TOM1L1: variants seen among roughly 807,000 people sequenced by gnomAD.
TOM1L1 encodes TOM1-like protein 1.
In TOM1L1, 64 loss-of-function variants were observed where a neutral mutation model predicts 63.4. The ratio of observed to expected loss-of-function variants is 1.01; its 90% CI spans 0.83 to 1.24. TOM1L1 has a LOEUF of 1.24. Among genes scored for constraint, TOM1L1 ranks in the 50% most tolerant of loss-of-function variants. The pLI is 0.00. For missense variants in TOM1L1, 536 were observed against 567.0 expected, an observed-to-expected ratio of 0.95 and a Z score of 0.55; for synonymous variants, 166 against 194.4, an observed-to-expected ratio of 0.85 and a Z score of 1.22.
rs79789840 is a variant in TOM1L1 at position 54,943,755 on chromosome 17, G to T, written c.1131-3506G>T. Among the ~76,000 whole-genome samples, 3 of 151,946 alleles carry T rather than the reference G, an allele frequency of 2.0e-5. 1 individual carries two copies. The highest frequency in any genetic ancestry group is 6.8e-3 in the Middle Eastern group (2 of 292). ...GCATTTTGGGAGGCTGAGGCGGGCA[G>T]ATCATGAGATCAGGAGATCGAGACC... On this transcript the variant is annotated intron_variant, in intron 11 of 15. Transcript: ENST00000575882.
intron 1 of TOM1L1, chr17:54,901,154 A>T: frequency 1.6e-6 from 1 of 613,868 alleles, no homozygotes; most frequent in South Asian, 2.0e-5. Flanking sequence ...CTTCCTTTCG[A>T]TGCCGCCTGG....
At position 54,938,716 on chromosome 17, in the gene TOM1L1, A is replaced by G. The variant is rs190632781; in HGVS notation, c.1034-208A>G. On this transcript the variant is annotated intron_variant, in intron 10 of 15. Coordinates refer to ENST00000575882, the MANE Select transcript of TOM1L1 (RefSeq NM_005486.3). ...GAAATTCTTTCTCTCTCTACCTACC[A>G]TAAATGATGCTTTTTAATTTCTCTT... 55 of 442,762 alleles carry G rather than the reference A, an allele frequency of 1.2e-4. No homozygotes were observed. The East Asian group carries it at 1.6e-3, about 13-fold the overall frequency. 27.4% of individuals were successfully genotyped at this position (442,762 alleles called of 1,614,324 possible). A position where few individuals can be genotyped will look rare whatever the true frequency, so the allele number is the denominator to read the frequency against.
chr17:54,929,975 C>T (rs1436800311), intron 7 of TOM1L1, 98 bp from the exon 8 acceptor site: 39 of 1,481,060 alleles, frequency 2.6e-5, no homozygotes, highest in East Asian at 9.1e-5. Context: ...GGCTACTTAA[C>T]GTGGAGGTGA....
chr17:54,903,715 T>C lies in TOM1L1; in HGVS notation c.66T>C (p.Ala22=). 1 of 1,614,186 alleles carries C rather than the reference T, an allele frequency of 6.2e-7. No individual in the cohort carries two copies. The highest frequency in any genetic ancestry group is 2.2e-5 in the East Asian group (1 of 44,878). The part of the protein sequence containing the change: ...ATSVGHLIEK[A]TFAGVQTEDW... ...ACAGCTTTTTCTTGGCAGAAAAGGC[T>C]ACATTTGCTGGAGTTCAGACTGAAG... is the stretch of plus-strand genomic sequence containing the variant. Residue 22 remains alanine (A), a synonymous_variant, in exon 2 of 16, where the codon GCT becomes GCC. Coordinates refer to ENST00000575882, the MANE Select transcript of TOM1L1 (RefSeq NM_005486.3).
intron 14 of TOM1L1, among the ~76,000 whole-genome samples, chr17:54,960,257 C>T (rs921415316): frequency 6.6e-6 from 1 of 151,932 alleles, no homozygotes; most frequent in Admixed American, 6.6e-5. Context: ...CCCAGCTACT[C>T]GTGGGGCTGA....
Position 54,930,073 on chromosome 17 carries a change from A to T in TOM1L1, c.721A>T (p.Lys241Ter). The T allele has an allele frequency of 2.5e-6, 4 of 1,614,016 alleles. No homozygotes were observed. The highest frequency in any genetic ancestry group is 3.4e-6 in the Non-Finnish European group (4 of 1,179,962). ...GAAATCTCTCTCCTTTCTTTGACAG[A>T]AACTCTATAAAACAGGTCGGGAGAT... Reference protein sequence around the residue: ...ENHEDIELLQKLYKTGREMQE... With the variant: ...ENHEDIELLQ The change falls in exon 8 of 16, where the codon AAA becomes TAA. Residue 241 changes from lysine to a stop codon, truncating the protein, a stop_gained and splice_region_variant. Coordinates refer to ENST00000575882, the MANE Select transcript of TOM1L1 (RefSeq NM_005486.3). LOFTEE classifies it high-confidence loss of function.
At position 54,910,413 on chromosome 17, in the gene TOM1L1, G is replaced by A. The variant is rs572542903; in HGVS notation, c.223-2253G>A. On this transcript the variant is annotated intron_variant, in intron 3 of 15. Coordinates refer to ENST00000575882, the MANE Select transcript of TOM1L1 (RefSeq NM_005486.3). ...AGAGGTTGCAGTGAGTCGAGATTGCGCCACTGCACTCCAGCCTAGGTGACA... is the reference window on the plus strand; with the variant it reads ...AGAGGTTGCAGTGAGTCGAGATTGCACCACTGCACTCCAGCCTAGGTGACA... 5.9e-5 allele frequency among the ~76,000 whole-genome samples: 9 copies of A among 152,254 alleles called. 1 individual carries two copies. The highest frequency in any genetic ancestry group is 1.4e-4 in the African/African-American group (6 of 41,538).
In TOM1L1 at chr17:54,939,005, A is replaced by G. The variant is rs376669389; in HGVS notation, c.1115A>G (p.Asn372Ser). The G allele has an allele frequency of 9.3e-6, 15 of 1,605,502 alleles. No homozygotes were observed. Among genetic ancestry groups the G allele is most frequent in the Non-Finnish European group, 1.2e-5 (14 of 1,172,860 alleles). The part of the protein sequence containing the change: ...HPQMNLLALE[N>S]TEIPPFAQRT... ...CAGATGAACTTGCTAGCCTTGGAGAATACAGAGATACCCCCGTAAGTATGT... is the reference window on the plus strand; with the variant it reads ...CAGATGAACTTGCTAGCCTTGGAGAGTACAGAGATACCCCCGTAAGTATGT... The change falls in exon 11 of 16, where the codon AAT (asparagine) becomes AGT (serine). Residue 372 changes from asparagine to serine, a missense_variant. By Grantham distance (46) the Asn-to-Ser change is conservative. Transcript: ENST00000575882.
intron 11 of TOM1L1, among the ~76,000 whole-genome samples, chr17:54,941,327 A>C (rs1334976966): frequency 1.3e-5 from 2 of 152,218 alleles, no homozygotes; most frequent in African/African-American, 4.8e-5. Context: ...AGAGGGAGGA[A>C]AATGAGAAAG....
rs770583334 is a variant in TOM1L1 at position 54,938,932 on chromosome 17, C to T, written c.1042C>T (p.Leu348Phe). 6 of 1,606,398 alleles carry T rather than the reference C, an allele frequency of 3.7e-6. No individual in the cohort carries two copies. The highest frequency in any genetic ancestry group is 5.1e-6 in the Non-Finnish European group (6 of 1,175,908). ...NNQLSGLNFS[L>F]PSSDVTNNLK... ...TCCATTTTGTGTTTTAGATTTCAGC[C>T]TTCCAAGTTCTGATGTAACAAACAA... Residue 348 changes from leucine to phenylalanine, a missense_variant, in exon 11 of 16, where the codon CTT becomes TTT. By Grantham distance (22) the Leu-to-Phe change is conservative. Transcript: ENST00000575882.
chr17:54,915,944 C>T (rs1415594163), intron 7 of TOM1L1, 82 bp downstream of exon 7: 2 of 999,052 alleles, frequency 2.0e-6, no homozygotes, highest in South Asian at 2.7e-5. Context: ...ATGGAAGACA[C>T]CTTAATATTG....
At chr17:54,935,141 T>C (rs2048925725) in intron 8 of TOM1L1, among the ~76,000 whole-genome samples, 1 of 152,142 alleles carries the variant, frequency 6.6e-6, no homozygotes, top group African/African-American at 2.4e-5. Context: ...TTATTTCACC[T>C]GGGTGCAGGG....
Position 54,935,768 on chromosome 17 carries a change from T to G in TOM1L1, c.855-881T>G, listed in dbSNP as rs543741065. 6.6e-5 allele frequency among the ~76,000 whole-genome samples: 10 copies of G among 152,284 alleles called. 1 individual carries two copies. The South Asian group carries it at 2.1e-3, about 32-fold the overall frequency. ...GCTCCTTTACTCTCAGTGGACAATG[T>G]AAAATTAAATCAGAGTTGTAGAAGG... On this transcript the variant is annotated intron_variant, in intron 8 of 15. Transcript: ENST00000575882.
Position 54,914,639 on chromosome 17 carries a change from A to T in TOM1L1, c.499A>T (p.Thr167Ser). The change falls in exon 6 of 16, where the codon ACT becomes TCT. Residue 167 changes from threonine to serine, a missense_variant and splice_region_variant. Coordinates refer to ENST00000575882, the MANE Select transcript of TOM1L1 (RefSeq NM_005486.3). ...ATATTACCATGTTTCATACTCATAGACTGCTCAAATCTCATCAAATCCTCC... is the reference window on the plus strand; with the variant it reads ...ATATTACCATGTTTCATACTCATAGTCTGCTCAAATCTCATCAAATCCTCC... ...EAEAETARQE[T>S]AQISSNPPTS... The T allele has an allele frequency of 6.2e-7, 1 of 1,611,234 alleles. No homozygotes were observed. Among genetic ancestry groups the T allele is most frequent in the Non-Finnish European group, 8.5e-7 (1 of 1,177,608 alleles).
At chr17:54,906,140 A>G (rs2143734047) in intron 3 of TOM1L1, among the ~76,000 whole-genome samples, 1 of 152,164 alleles carries the variant, frequency 6.6e-6, no homozygotes, top group Admixed American at 6.5e-5. Context: ...ACTGCAACTC[A>G]GCCTGAGTGA....
Position 54,913,738 on chromosome 17 carries a change from T to C in TOM1L1, c.373-10T>C. 6.2e-7 allele frequency: 1 copy of C among 1,601,030 alleles called. No individual in the cohort carries two copies. Among genetic ancestry groups the C allele is most frequent in the African/African-American group, 1.3e-5 (1 of 74,314 alleles). ...TTAACTCTGGAACTTTTTTCATCTC[T>C]TGAATTCAGACTTGGTCACAGGGCT... On this transcript the variant is annotated splice_polypyrimidine_tract_variant and intron_variant, in intron 4 of 15. Transcript: ENST00000575882.
chr17:54,908,988 G>A (rs1440825442), intron 3 of TOM1L1, among the ~76,000 whole-genome samples: 1 of 152,212 alleles, frequency 6.6e-6, no homozygotes, highest in Non-Finnish European at 1.5e-5. Context: ...GCTGGGTGCA[G>A]TGGCTCATGC....
At chr17:54,902,368 C>A (rs760486154) in intron 1 of TOM1L1, among the ~76,000 whole-genome samples, 13 of 152,188 alleles carry the variant, frequency 8.5e-5, no homozygotes, top group Non-Finnish European at 1.6e-4. Context: ...CGGCACACTG[C>A]AACCTCCGCC....
In TOM1L1 at chr17:54,960,549, T is replaced by C. The variant is rs1598098427; in HGVS notation, c.1371-17T>C. The C allele has an allele frequency of 6.2e-7, 1 of 1,609,722 alleles. No homozygotes were observed. The highest frequency in any genetic ancestry group is 1.3e-5 in the African/African-American group (1 of 74,932). ...AAATTGATACATAACCCTTTTGCTG[T>C]GATGGCTTTGTTTCAGAGCTATTTA... is the stretch of plus-strand genomic sequence containing the variant. On this transcript the variant is annotated splice_polypyrimidine_tract_variant and intron_variant, in intron 14 of 15. Transcript: ENST00000575882.
Sources: gnomAD v4.1 joint callset for allele counts (sites outside exome capture counted in the v4.1 genomes callset) on GRCh38, gnomAD v4.1.1 for gene constraint, MANE v1.5 for transcripts, NCBI Gene and HGNC (gene_info 2026-07-23, HGNC 2026-07-21) for gene names.